Variants in JCAD observed in about 807,000 individuals in gnomAD.
JCAD encodes junctional cadherin 5-associated protein.
A neutral mutation model predicts 98.0 loss-of-function variants in JCAD; 40 were observed. The ratio of observed to expected loss-of-function variants is 0.41; its 90% CI spans 0.32 to 0.53. JCAD has a LOEUF of 0.53. JCAD is among the 20% of genes least tolerant of loss of function. The pLI is 0.31. For synonymous variants in JCAD, 691 were observed against 682.3 expected (o/e 1.01, Z -0.20); for missense variants, 1,705 against 1,738.1 (o/e 0.98, Z 0.34).
intron 1 of JCAD, among the ~76,000 whole-genome samples, chr10:30,070,438 A>G (rs1342792956): frequency 6.6e-6 from 1 of 152,266 alleles, no homozygotes; most frequent in East Asian, 1.9e-4. Context: ...ACCCACGGCA[A>G]CTTCCTTGTA....
At chr10:30,063,813 C>CT (rs939220726), upstream of JCAD, among the ~76,000 whole-genome samples, 4,836 of 146,306 alleles carry the variant, frequency 0.033, 242 homozygotes, top group African/African-American at 0.11. Context: ...GAGATGGGAT[C>CT]TTTTTTTTTT....
intron 1 of JCAD, among the ~76,000 whole-genome samples, chr10:30,079,176 G>T (rs1313590435): frequency 6.6e-6 from 1 of 151,904 alleles, no homozygotes; most frequent in Non-Finnish European, 1.5e-5. Context: ...GTGAAACCCC[G>T]TCCCTACTAA....
At chr10:30,022,702 A>G (rs1358583462) in intron 3 of JCAD, among the ~76,000 whole-genome samples, 6 of 152,248 alleles carry the variant, frequency 3.9e-5, no homozygotes, top group Non-Finnish European at 7.3e-5. Context: ...GATTATGGTC[A>G]TGCGCCACAG....
At chr10:30,115,138 T>C (rs1233483840) in intron 1 of JCAD, among the ~76,000 whole-genome samples, 1 of 152,118 alleles carries the variant, frequency 6.6e-6, no homozygotes, top group Non-Finnish European at 1.5e-5. Context: ...ACGAAGCATC[T>C]CTCTTTCTCA....
intron 1 of JCAD, among the ~76,000 whole-genome samples, chr10:30,082,637 A>G (rs538815062): frequency 1.3e-4 from 20 of 152,192 alleles, no homozygotes; most frequent in Admixed American, 1.2e-3. Flanking sequence ...GGATCACCTG[A>G]GGTCAGCAGT....
At chr10:30,084,729 G>A (rs1838139051) in intron 1 of JCAD, among the ~76,000 whole-genome samples, 1 of 152,100 alleles carries the variant, frequency 6.6e-6, no homozygotes, top group African/African-American at 2.4e-5. Flanking sequence ...TGAAGATCTT[G>A]CAACTTGTCA....
intron 1 of JCAD, among the ~76,000 whole-genome samples, chr10:30,090,559 AG>A (rs1838242673): frequency 7.8e-6 from 1 of 127,892 alleles, no homozygotes. Context: ...AAAGGAAAGG[AG>A]AGGAGAGGGG....
At chr10:30,067,276 G>C (rs1837800628) in intron 2 of JCAD, among the ~76,000 whole-genome samples, 1 of 152,102 alleles carries the variant, frequency 6.6e-6, no homozygotes, top group South Asian at 2.1e-4. Flanking sequence ...TTAAGTCAGT[G>C]ATGCCTAGCA....
At chr10:30,072,365 G>A (rs1837908711) in intron 1 of JCAD, among the ~76,000 whole-genome samples, 1 of 152,160 alleles carries the variant, frequency 6.6e-6, no homozygotes, top group South Asian at 2.1e-4. Context: ...TATGTTCTAT[G>A]CTATATTAGG....
intron 1 of JCAD, among the ~76,000 whole-genome samples, chr10:30,048,606 C>T (rs1837406054): frequency 6.6e-6 from 1 of 152,024 alleles, no homozygotes; most frequent in Non-Finnish European, 1.5e-5. Flanking sequence ...ACTCTTGTTG[C>T]CCAGGCTGGA....
In JCAD at chr10:30,042,259, A is replaced by G. The variant is rs187143741; in HGVS notation, c.281+5273T>C. Among the ~76,000 whole-genome samples the G allele has an allele frequency of 4.3e-4, 66 of 152,130 alleles. 1 individual carries two copies. The highest frequency in any genetic ancestry group is 8.4e-4 in the Non-Finnish European group (57 of 67,978). Reference sequence around the variant, plus strand: ...ACACAGGGAGTCCCTGTGGCCTGGAAACTGTCCTCACCCGCAGCACCTGCA... The same window carrying G: ...ACACAGGGAGTCCCTGTGGCCTGGAGACTGTCCTCACCCGCAGCACCTGCA... On this transcript the variant is annotated intron_variant, in intron 2 of 3. Transcript: ENST00000375377.
chr10:30,038,803 C>A (rs2132632543), intron 2 of JCAD, among the ~76,000 whole-genome samples: 1 of 151,602 alleles, frequency 6.6e-6, no homozygotes, highest in East Asian at 1.9e-4. Context: ...GGGTATAGGT[C>A]CATGTGGAAG....
chr10:30,112,732 C>T (rs1292271909), intron 1 of JCAD, among the ~76,000 whole-genome samples: 8 of 151,922 alleles, frequency 5.3e-5, no homozygotes, highest in South Asian at 4.2e-4. Flanking sequence ...ATTAGCCAGG[C>T]GTGGTGGCAC....
intron 1 of JCAD, among the ~76,000 whole-genome samples, chr10:30,070,090 A>G (rs1837858875): frequency 1.3e-5 from 2 of 152,224 alleles, no homozygotes; most frequent in African/African-American, 2.4e-5. Context: ...TCGTGCAAAT[A>G]AGAGCGACTA....
intron 1 of JCAD, among the ~76,000 whole-genome samples, chr10:30,099,515 G>A (rs868278025): frequency 2.0e-5 from 3 of 151,452 alleles, no homozygotes; most frequent in Non-Finnish European, 2.9e-5. Flanking sequence ...TATGTTCCAG[G>A]CACTGTGCTA....
At chr10:30,033,366 G>C (rs1020718663) in intron 2 of JCAD, among the ~76,000 whole-genome samples, 1 of 152,168 alleles carries the variant, frequency 6.6e-6, no homozygotes. Flanking sequence ...TCACAAACAC[G>C]TGATGTAGGT....
chr10:30,045,028 G>T (rs753160471), intron 2 of JCAD, among the ~76,000 whole-genome samples: 2 of 152,082 alleles, frequency 1.3e-5, no homozygotes, highest in Non-Finnish European at 1.5e-5. Context: ...CAGATCTGTC[G>T]AGAACTCTGT....
chr10:30,021,568 T>G (rs771887053), intron 3 of JCAD, among the ~76,000 whole-genome samples: 1 of 152,206 alleles, frequency 6.6e-6, no homozygotes, highest in Non-Finnish European at 1.5e-5. Flanking sequence ...TAATACTGTA[T>G]TTCACCAAAT....
intron 1 of JCAD, among the ~76,000 whole-genome samples, chr10:30,076,891 G>C (rs1014222288): frequency 6.6e-6 from 1 of 152,074 alleles, no homozygotes; most frequent in Non-Finnish European, 1.5e-5. Context: ...GGGCCGAATC[G>C]CTCAGGCCCA....
Sources: gnomAD v4.1 joint callset for allele counts (sites outside exome capture counted in the v4.1 genomes callset) on GRCh38, gnomAD v4.1.1 for gene constraint, MANE v1.5 for transcripts, NCBI Gene and HGNC (gene_info 2026-07-23, HGNC 2026-07-21) for gene names.